HYDIN: variants seen among roughly 807,000 people sequenced by gnomAD.
The protein encoded by HYDIN is axonemal central pair apparatus protein HYDIN.
HYDIN carries 132 observed loss-of-function variants against 403.9 expected under a neutral mutation model. The ratio of observed to expected loss-of-function variants is 0.33; its 90% CI spans 0.28 to 0.38. The LOEUF is 0.38. Ranked by LOEUF, HYDIN falls within the 10% of genes least tolerant of loss-of-function variation. The pLI, the probability that HYDIN is intolerant of heterozygous loss-of-function variation, is 1.00. For missense variants in HYDIN, 2,827 were observed against 5,009.5 expected (o/e 0.56, Z 13.15); for synonymous variants, 1,202 against 1,891.7 (o/e 0.64, Z 9.46).
At chr16:71,102,987 T>C (rs1340413478) in intron 10 of HYDIN, among the ~76,000 whole-genome samples, 1 of 151,086 alleles carries the variant, frequency 6.6e-6, no homozygotes. Context: ...ATAGAGGTAA[T>C]TTGAATATAT....
At chr16:71,169,565 C>A (rs940980375) in intron 5 of HYDIN, among the ~76,000 whole-genome samples, 4 of 152,116 alleles carry the variant, frequency 2.6e-5, no homozygotes, top group African/African-American at 9.7e-5. Context: ...ATAAGCCAGG[C>A]ATAAGAGGTA....
chr16:71,165,201 C>A (rs994581747), intron 5 of HYDIN, among the ~76,000 whole-genome samples: 1 of 151,186 alleles, frequency 6.6e-6, no homozygotes, highest in South Asian at 2.1e-4. Flanking sequence ...GCGAAGGTCC[C>A]GTGGTCTGGT....
chr16:70,976,330 A>G (rs895138286), intron 30 of HYDIN, among the ~76,000 whole-genome samples: 3 of 152,250 alleles, frequency 2.0e-5, no homozygotes, highest in Non-Finnish European at 2.9e-5. Context: ...TACTTATTCA[A>G]TAATAAAATT....
At chr16:71,074,707 C>CAAAAAAAAAAA (rs59315287) in intron 13 of HYDIN, among the ~76,000 whole-genome samples, 67 of 86,104 alleles carry the variant, frequency 7.8e-4, no homozygotes, top group African/African-American at 1.0e-3. Context: ...CAAAAAACAC[C>CAAAAAAAAAAA]AAAAAAAAAA....
At chr16:71,024,249 G>A (rs2080606422) in intron 21 of HYDIN, among the ~76,000 whole-genome samples, 1 of 152,048 alleles carries the variant, frequency 6.6e-6, no homozygotes, top group Admixed American at 6.5e-5. Flanking sequence ...ATGGACTTTT[G>A]CCATCCTTGG....
Position 70,992,052 on chromosome 16 carries a change from T to G in HYDIN, c.3785+18A>C. 6.2e-7 allele frequency: 1 copy of G among 1,613,700 alleles called. No individual in the cohort carries two copies. The highest frequency in any genetic ancestry group is 8.5e-7 in the Non-Finnish European group (1 of 1,179,836). Reference sequence around the variant, plus strand: ...AAGAAAAGCTACTACAAATAATCTATGTTGGCTTTGCACTTACTTAACAAA... The same window carrying G: ...AAGAAAAGCTACTACAAATAATCTAGGTTGGCTTTGCACTTACTTAACAAA... On this transcript the variant is annotated intron_variant, in intron 24 of 85. Transcript: ENST00000393567.
rs2080581094 is a variant in HYDIN at position 71,023,712 on chromosome 16, G to GA, written c.3186+1670dup. Among the ~76,000 whole-genome samples, 3 of 140,054 alleles carry GA rather than the reference G, an allele frequency of 2.1e-5. No individual in the cohort carries two copies. The Admixed American group carries it at 2.2e-4, about 10-fold the overall frequency. 91.9% of individuals were successfully genotyped at this position (140,054 alleles called of 152,430 possible). A position where few individuals can be genotyped will look rare whatever the true frequency, so the allele number is the denominator to read the frequency against. ...CTGCTCAAAAGTTACTTGTTGATTT[G>GA]AATTGAACTTGTACCTCTCACCTCT... On this transcript the variant is annotated intron_variant, in intron 21 of 85. Transcript: ENST00000393567.
intron 85 of HYDIN, among the ~76,000 whole-genome samples, chr16:70,809,320 C>G (rs2035307043): frequency 6.6e-6 from 1 of 152,192 alleles, no homozygotes; most frequent in South Asian, 2.1e-4. Context: ...GCTTTAGATA[C>G]ATATTTAAAA....
chr16:71,125,704 A>T (rs896791476), intron 9 of HYDIN, among the ~76,000 whole-genome samples: 1 of 151,954 alleles, frequency 6.6e-6, no homozygotes, highest in African/African-American at 2.4e-5. Context: ...GAGAAACACA[A>T]ATGAAATTCC....
rs377534565 is a variant in HYDIN at position 71,186,714 on chromosome 16, A to G, written c.135+47T>C. 21 of 1,482,100 alleles carry G rather than the reference A, an allele frequency of 1.4e-5. No homozygotes were observed. In the East Asian group the frequency reaches 1.6e-4, roughly 11 times the overall value. The allele number at this position is 1,482,100 out of a possible 1,614,324, so 91.8% of individuals were successfully genotyped here. A position where few individuals can be genotyped will look rare whatever the true frequency, so the allele number is the denominator to read the frequency against. ...CCAAGTAGCAACTGTCATTCTCCTA[A>G]GGAGATTGCATTAAGTATTTTACAT... is the stretch of plus-strand genomic sequence containing the variant. On this transcript the variant is annotated intron_variant, in intron 2 of 85. Coordinates refer to ENST00000393567, the MANE Select transcript of HYDIN (RefSeq NM_001270974.2).
intron 75 of HYDIN, among the ~76,000 whole-genome samples, chr16:70,842,090 A>G (rs1191628919): frequency 6.6e-6 from 1 of 150,766 alleles, no homozygotes; most frequent in Non-Finnish European, 1.5e-5. Context: ...TTATTGAGGT[A>G]TGTTTTATGG....
intron 2 of HYDIN, among the ~76,000 whole-genome samples, chr16:71,186,205 C>T (rs748731756): frequency 2.0e-5 from 3 of 152,088 alleles, no homozygotes; most frequent in Non-Finnish European, 4.4e-5. Context: ...TGGCACTATA[C>T]ATTTTTACTA....
chr16:70,847,640 G>A (rs1322483055), intron 75 of HYDIN, among the ~76,000 whole-genome samples: 1 of 151,028 alleles, frequency 6.6e-6, no homozygotes, highest in Non-Finnish European at 1.5e-5. Context: ...TCAGCACGTT[G>A]AATATGTCAT....
intron 6 of HYDIN, among the ~76,000 whole-genome samples, chr16:71,158,690 T>A (rs924736808): frequency 1.3e-5 from 2 of 150,244 alleles, no homozygotes; most frequent in South Asian, 4.2e-4. Flanking sequence ...TTTTTTTTTT[T>A]TTTTTTTTTG....
intron 30 of HYDIN, among the ~76,000 whole-genome samples, chr16:70,975,823 TTAGAG>T (rs1339759348): frequency 1.2e-5 from 1 of 83,536 alleles, no homozygotes; most frequent in Non-Finnish European, 2.5e-5. Context: ...CTTCCTCCCC[TTAGAG>T]TATTTAGTTT....
At chr16:70,959,916 T>A (rs574950910) in intron 38 of HYDIN, 96 bp from the exon 39 acceptor site, 7 of 570,080 alleles carry the variant, frequency 1.2e-5, no homozygotes, top group South Asian at 7.3e-5. Flanking sequence ...TGGATATTTC[T>A]TTTTAAATGC....
In HYDIN at chr16:70,959,742, A is replaced by T. The variant is rs759517713; in HGVS notation, c.6047T>A (p.Ile2016Asn). The change falls in exon 39 of 86, where the codon ATC (isoleucine) becomes AAC (asparagine). Residue 2016 changes from isoleucine (I) to asparagine (N), a missense_variant. Ile to Asn is a moderately radical substitution (Grantham distance 149). Coordinates refer to ENST00000393567, the MANE Select transcript of HYDIN (RefSeq NM_001270974.2). ...AATGTCAATGCCCAGGTGGCGAGCG[A>T]TTGCTTTGCTCACTGGGTTGTTTTC... Reference protein sequence around the residue: ...EVENNPVSKAIARHLGIDISA... With the variant: ...EVENNPVSKANARHLGIDISA... The T allele has an allele frequency of 2.0e-6, 2 of 994,452 alleles. No homozygotes were observed. The highest frequency in any genetic ancestry group is 2.9e-6 in the Non-Finnish European group (2 of 690,634). The allele number at this position is 994,452 out of a possible 1,614,324, so 61.6% of individuals were successfully genotyped here.
intron 23 of HYDIN, among the ~76,000 whole-genome samples, chr16:70,993,977 T>C (rs1238650778): frequency 6.6e-6 from 1 of 152,160 alleles, no homozygotes; most frequent in Non-Finnish European, 1.5e-5. Context: ...TCTATGTCTA[T>C]TTCATTTACT....
intron 52 of HYDIN, 78 bp from the exon 53 acceptor site, chr16:70,901,280 A>C: frequency 9.2e-7 from 1 of 1,087,692 alleles, no homozygotes; most frequent in Non-Finnish European, 1.4e-6. Flanking sequence ...CTTTTGTTTT[A>C]GGTTCAGGGG....
Sources: allele counts gnomAD v4.1 joint callset (sites outside exome capture counted in the v4.1 genomes callset), GRCh38; gene constraint gnomAD v4.1.1; transcripts MANE v1.5; gene names NCBI Gene and HGNC (gene_info 2026-07-23, HGNC 2026-07-21).